Variants in DOCK9 observed in about 807,000 individuals in gnomAD.
DOCK9 encodes the protein dedicator of cytokinesis protein 9.
Under a neutral mutation model 263.3 loss-of-function variants are expected in DOCK9, and 89 were observed. The observed-to-expected ratio is 0.34, with a 90% CI of 0.28 to 0.40. The LOEUF (loss-of-function observed/expected upper bound fraction) is 0.40, where lower values mean the gene tolerates loss of function less well. Ranked by LOEUF, DOCK9 falls within the 10% of genes least tolerant of loss-of-function variation. DOCK9 has a pLI of 1.00. For synonymous variants in DOCK9, 976 were observed against 973.1 expected (o/e 1.00, Z -0.06); for missense variants, 2,140 against 2,603.4 (o/e 0.82, Z 3.87).
intron 3 of DOCK9, among the ~76,000 whole-genome samples, chr13:98,927,154 A>C (rs1304607994): frequency 7.9e-5 from 12 of 152,246 alleles, no homozygotes; most frequent in African/African-American, 2.7e-4. Context: ...GCTAAGCGCA[A>C]AGTCAGATTT....
chr13:99,070,580 T>C (rs1363011946), intron 1 of DOCK9, among the ~76,000 whole-genome samples: 2 of 152,258 alleles, frequency 1.3e-5, no homozygotes, highest in Non-Finnish European at 2.9e-5. Context: ...AGTGAGTATT[T>C]ACTGTGTGCC....
Position 98,978,032 on chromosome 13 carries a change from T to C in DOCK9, c.-123A>G, listed in dbSNP as rs1424737130. 5.5e-6 allele frequency: 8 copies of C among 1,450,048 alleles called. No homozygotes were observed. Among genetic ancestry groups the C allele is most frequent in the African/African-American group, 2.8e-5 (2 of 70,294 alleles). The allele number at this position is 1,450,048 out of a possible 1,614,324, so 89.8% of individuals were successfully genotyped here. A position where few individuals can be genotyped will look rare whatever the true frequency, so the allele number is the denominator to read the frequency against. ...AGGAAACTGGCTTCCCAGGCACAAGTGGTCAGCCCCGCTGGCTGGGTCTGC... is the reference window on the plus strand; with the variant it reads ...AGGAAACTGGCTTCCCAGGCACAAGCGGTCAGCCCCGCTGGCTGGGTCTGC... On this transcript the variant is annotated 5_prime_UTR_variant, in exon 1 of 53. Transcript: ENST00000682017.
chr13:98,995,639 C>CCA (rs372207282), intron 1 of DOCK9, among the ~76,000 whole-genome samples: 14 of 152,056 alleles, frequency 9.2e-5, no homozygotes, highest in African/African-American at 3.4e-4. Context: ...CAGGCACCTG[C>CCA]CACCACGCCC....
At chr13:99,074,658 G>A (rs1256569349) in intron 1 of DOCK9, among the ~76,000 whole-genome samples, 1 of 152,192 alleles carries the variant, frequency 6.6e-6, no homozygotes, top group Non-Finnish European at 1.5e-5. Flanking sequence ...AATAGCCCAT[G>A]TTGTTTTCAT....
At chr13:98,881,451 C>G in intron 25 of DOCK9, 107 bp downstream of exon 25, 24 of 865,306 alleles carry the variant, frequency 2.8e-5, no homozygotes, top group Non-Finnish European at 4.3e-5. Context: ...AGAAAGCATA[C>G]GTTACAAGCA....
At chr13:98,813,783 G>T (rs2091548279) in intron 45 of DOCK9, among the ~76,000 whole-genome samples, 1 of 152,082 alleles carries the variant, frequency 6.6e-6, no homozygotes, top group South Asian at 2.1e-4. Context: ...GGGATTACAG[G>T]CATGTGCCAC....
At chr13:98,987,714 C>G (rs1034248417) in intron 1 of DOCK9, among the ~76,000 whole-genome samples, 1 of 152,192 alleles carries the variant, frequency 6.6e-6, no homozygotes, top group Non-Finnish European at 1.5e-5. Flanking sequence ...ATTTAACCCT[C>G]GATGCTCTTA....
At chr13:99,020,223 T>C (rs16956247) in intron 1 of DOCK9, among the ~76,000 whole-genome samples, 15,799 of 152,288 alleles carry the variant, frequency 0.1, 961 homozygotes, top group Middle Eastern at 0.17. Context: ...GCTAGAAATA[T>C]GTAAGTACCT....
chr13:98,805,351 G>T, intron 48 of DOCK9, 142 bp from the exon 49 acceptor site: 1 of 726,318 alleles, frequency 1.4e-6, no homozygotes, highest in Non-Finnish European at 2.3e-6. Flanking sequence ...CCACCACTTG[G>T]ATCAACAACT....
Position 98,955,425 on chromosome 13 carries a change from C to A in DOCK9, c.243+10G>T, listed in dbSNP as rs375697962. 2 of 1,549,520 alleles carry A rather than the reference C, an allele frequency of 1.3e-6. No homozygotes were observed. Among genetic ancestry groups the A allele is most frequent in the Non-Finnish European group, 1.8e-6 (2 of 1,138,768 alleles). ...CGTGGTTCTACGGATAGAAACATAA[C>A]GTTACTTACCTGAAAGTCATCGTAA... is the stretch of plus-strand genomic sequence containing the variant. On this transcript the variant is annotated intron_variant, in intron 2 of 52. Transcript: ENST00000682017.
intron 8 of DOCK9, 45 bp downstream of exon 8, chr13:98,915,284 A>AC (rs747689736): frequency 6.4e-5 from 100 of 1,572,446 alleles, no homozygotes; most frequent in Non-Finnish European, 7.5e-5. Flanking sequence ...AAATAAAGAC[A>AC]CCCACAGAGT....
chr13:98,962,406 G>A (rs1420215457), intron 1 of DOCK9, among the ~76,000 whole-genome samples: 1 of 152,112 alleles, frequency 6.6e-6, no homozygotes, highest in Non-Finnish European at 1.5e-5. Flanking sequence ...AATTCTGTAA[G>A]CTTTGTCCCT....
chr13:99,054,171 C>A (rs1379655274), intron 1 of DOCK9, among the ~76,000 whole-genome samples: 1 of 152,174 alleles, frequency 6.6e-6, no homozygotes. Context: ...ATTACTCAGG[C>A]ATATTTATAA....
intron 1 of DOCK9, among the ~76,000 whole-genome samples, chr13:99,076,145 A>C (rs1172728960): frequency 6.6e-6 from 1 of 152,246 alleles, no homozygotes; most frequent in African/African-American, 2.4e-5. Context: ...ATAAGGAGTC[A>C]AAAAAGAAAC....
chr13:99,050,855 C>A (rs1012058448), intron 1 of DOCK9, among the ~76,000 whole-genome samples: 1 of 152,146 alleles, frequency 6.6e-6, no homozygotes, highest in African/African-American at 2.4e-5. Context: ...TACATGGCCC[C>A]CCCAGGTGTT....
chr13:98,813,799 C>T (rs1409448715), intron 45 of DOCK9, among the ~76,000 whole-genome samples: 10 of 152,050 alleles, frequency 6.6e-5, no homozygotes, highest in African/African-American at 1.9e-4. Flanking sequence ...GCCACCATGC[C>T]CGGCTAATTT....
intron 34 of DOCK9, among the ~76,000 whole-genome samples, chr13:98,855,105 G>C (rs2093673052): frequency 6.6e-6 from 1 of 152,142 alleles, no homozygotes; most frequent in Non-Finnish European, 1.5e-5. Flanking sequence ...GTAGTTTCAA[G>C]AAAAAAGGCT....
chr13:98,973,796 C>T (rs2059964777), intron 1 of DOCK9, among the ~76,000 whole-genome samples: 2 of 152,118 alleles, frequency 1.3e-5, no homozygotes, highest in African/African-American at 4.8e-5. Context: ...CGGAGTTTCG[C>T]CATGTTGCCC....
chr13:98,885,609 G>T, intron 20 of DOCK9, 99 bp downstream of exon 20: 1 of 1,290,836 alleles, frequency 7.7e-7, no homozygotes, highest in South Asian at 1.7e-5. Context: ...TTCATTTAAA[G>T]ATCCCTTTGC....
Sources: gnomAD v4.1 joint callset for allele counts (sites outside exome capture counted in the v4.1 genomes callset) on GRCh38, gnomAD v4.1.1 for gene constraint, MANE v1.5 for transcripts, NCBI Gene and HGNC (gene_info 2026-07-23, HGNC 2026-07-21) for gene names.